Variants in ZNF536 observed in about 807,000 individuals in gnomAD.
ZNF536 encodes the protein zinc finger protein 536.
Under a neutral mutation model 84.5 loss-of-function variants are expected in ZNF536, and 13 were observed. That is an observed-to-expected ratio of 0.15 (90% CI 0.10 to 0.24). The LOEUF is 0.24. Among genes scored for constraint, ZNF536 ranks in the 10% least tolerant of loss-of-function variants. The pLI is 1.00. For missense variants in ZNF536, 1,536 were observed against 1,747.5 expected (o/e 0.88, Z 2.16); for synonymous variants, 811 against 742.5 (o/e 1.09, Z -1.50).
Position 30,587,800 on chromosome 19 carries a change from C to T in ZNF536, c.169+38286C>T, listed in dbSNP as rs773601368. Reference sequence around the variant, plus strand: ...CTTTATGAGAGACGAGGGAGAAGCCCGGAGCCTGCATGCATGCAAACCCTT... The same window carrying T: ...CTTTATGAGAGACGAGGGAGAAGCCTGGAGCCTGCATGCATGCAAACCCTT... On this transcript the variant is annotated intron_variant, in intron 1 of 1. Coordinates refer to the ZNF536 transcript ENST00000592773. 3.2e-4 allele frequency among the ~76,000 whole-genome samples: 49 copies of T among 152,206 alleles called. 1 individual carries two copies. Among genetic ancestry groups the T allele is most frequent in the African/African-American group, 3.4e-4 (14 of 41,440 alleles).
chr19:30,695,370 C>T (rs973752949), intron 1 of ZNF536, among the ~76,000 whole-genome samples: 5 of 152,150 alleles, frequency 3.3e-5, no homozygotes, highest in African/African-American at 4.8e-5. Flanking sequence ...GTGCAGAGCC[C>T]GCCAGAGGGC....
rs145604765 is a variant in ZNF536, at chr19:30,512,021, G to A, written c.2171-22826G>A. Among the ~76,000 whole-genome samples, 1,277 of 152,244 alleles carry A rather than the reference G, an allele frequency of 8.4e-3. 8 individuals are homozygous for A. The highest frequency in any genetic ancestry group is 0.013 in the Non-Finnish European group (913 of 68,024). On this transcript the variant is annotated intron_variant, in intron 2 of 4. Transcript: ENST00000355537. ...AAGTATAATTCGATGTATCATCTAC[G>A]TGCAAACTTTTGTCTGCAAAGCATA...
At chr19:30,608,158 T>C (rs1381410748) in intron 1 of ZNF536, among the ~76,000 whole-genome samples, 2 of 152,214 alleles carry the variant, frequency 1.3e-5, no homozygotes, top group Non-Finnish European at 2.9e-5. Context: ...TGGAACAAGA[T>C]TTACAAAATT....
At chr19:30,533,856 T>C (rs1465354999) in intron 2 of ZNF536, among the ~76,000 whole-genome samples, 1 of 152,224 alleles carries the variant, frequency 6.6e-6, no homozygotes, top group African/African-American at 2.4e-5. Context: ...GGGATGTCCA[T>C]GATTCTGGAA....
At chr19:30,374,981 C>T (rs113263191) in intron 1 of ZNF536, among the ~76,000 whole-genome samples, 2,239 of 151,980 alleles carry the variant, frequency 0.015, 15 homozygotes, top group Non-Finnish European at 0.024. Flanking sequence ...AGGAGCGAAG[C>T]GCCTGGAGAT....
chr19:30,239,804 T>C (rs1364992791), intron 1 of ZNF536, among the ~76,000 whole-genome samples: 9 of 152,176 alleles, frequency 5.9e-5, no homozygotes, highest in Admixed American at 5.2e-4. Context: ...CATTCTTCTT[T>C]CAGGCATCAG....
chr19:30,261,030 G>A (rs1188238866), intron 1 of ZNF536, among the ~76,000 whole-genome samples: 1 of 152,164 alleles, frequency 6.6e-6, no homozygotes, highest in African/African-American at 2.4e-5. Flanking sequence ...CGGGCGCGGT[G>A]GCTCACGCCT....
At chr19:30,617,363 T>TTTTTTTTTTG (rs2048337531) in intron 1 of ZNF536, among the ~76,000 whole-genome samples, 1 of 123,198 alleles carries the variant, frequency 8.1e-6, no homozygotes, top group Non-Finnish European at 1.7e-5. Flanking sequence ...TTTTTTTTTT[T>TTTTTTTTTTG]TTTATGAGAT....
chr19:30,573,491 TC>T (rs1300923721), intron 1 of ZNF536, among the ~76,000 whole-genome samples: 2 of 151,978 alleles, frequency 1.3e-5, no homozygotes, highest in African/African-American at 4.8e-5. Context: ...CTTTGCACAT[TC>T]CCCCCATTCC....
intron 1 of ZNF536, among the ~76,000 whole-genome samples, chr19:30,274,267 A>T (rs1201329107): frequency 6.6e-6 from 1 of 152,252 alleles, no homozygotes; most frequent in East Asian, 1.9e-4. Context: ...TTGACTGTCG[A>T]AATGCCAGAT....
chr19:30,567,033 G>A (rs1326389415), intron 1 of ZNF536, among the ~76,000 whole-genome samples: 3 of 151,700 alleles, frequency 2.0e-5, no homozygotes, highest in Non-Finnish European at 2.9e-5. Context: ...GGGTAGTGGC[G>A]GTTCCTGGGA....
At chr19:30,470,087 T>C (rs1373271272) in intron 2 of ZNF536, among the ~76,000 whole-genome samples, 1 of 152,084 alleles carries the variant, frequency 6.6e-6, no homozygotes, top group Non-Finnish European at 1.5e-5. Context: ...CCCAGGTGAG[T>C]CCTGAGGGAG....
chr19:30,294,549 ATGTGTGTGTGTGTGTGTG>A (rs55972417), intron 2 of ZNF536, among the ~76,000 whole-genome samples: 96 of 145,604 alleles, frequency 6.6e-4, no homozygotes, highest in African/African-American at 2.2e-3. Flanking sequence ...AGGCCCCAAT[ATGTGTGTGTGTGTGTGTG>A]TGTGTGTGTG....
rs1258660141 is a variant in ZNF536 at position 30,600,051 on chromosome 19, T to TG, written c.169+50537_169+50538insG. 1.6e-3 allele frequency among the ~76,000 whole-genome samples: 250 copies of TG among 151,948 alleles called. 3 individuals are homozygous for TG. The highest frequency in any genetic ancestry group is 5.8e-3 in the African/African-American group (241 of 41,384). On this transcript the variant is annotated intron_variant, in intron 1 of 1. Coordinates refer to the ZNF536 transcript ENST00000592773. ...TCAAATGCTCCTAGCTGTTTTTTTT[T>TG]TTTTGTTGTTGTTGTTGTTTTTTGT...
chr19:30,676,399 A>C (rs923142295), intron 1 of ZNF536, among the ~76,000 whole-genome samples: 2 of 152,260 alleles, frequency 1.3e-5, no homozygotes, highest in African/African-American at 4.8e-5. Context: ...ATTGTAGGAC[A>C]GGAAGTCACA....
intron 1 of ZNF536, among the ~76,000 whole-genome samples, chr19:30,576,917 T>A (rs1549938): frequency 1 from 152,010 of 152,356 alleles, 75,841 homozygotes; most frequent in Middle Eastern, 1. Context: ...GTTTCCCTGG[T>A]TCACATGCTC....
chr19:30,655,478 G>A (rs2049874891), intron 1 of ZNF536, among the ~76,000 whole-genome samples: 1 of 152,180 alleles, frequency 6.6e-6, no homozygotes, highest in Non-Finnish European at 1.5e-5. Flanking sequence ...ATGGGGAAGG[G>A]CTGGAAGAAA....
chr19:30,490,754 C>T (rs181975563), intron 2 of ZNF536, among the ~76,000 whole-genome samples: 17 of 152,232 alleles, frequency 1.1e-4, no homozygotes, highest in Admixed American at 2.0e-4. Flanking sequence ...GTCAAGTATT[C>T]GGGATTGCCC....
intron 2 of ZNF536, among the ~76,000 whole-genome samples, chr19:30,329,327 A>T (rs957952217): frequency 6.6e-6 from 1 of 152,006 alleles, no homozygotes; most frequent in Non-Finnish European, 1.5e-5. Context: ...CAGAGAACAC[A>T]CATAATCCTA....
Sources: allele counts gnomAD v4.1 joint callset (sites outside exome capture counted in the v4.1 genomes callset), GRCh38; gene constraint gnomAD v4.1.1; transcripts MANE v1.5; gene names NCBI Gene and HGNC (gene_info 2026-07-23, HGNC 2026-07-21).